Variants in RPS24 observed in about 807,000 individuals in gnomAD.
RPS24 encodes ribosomal protein S24, also known as small ribosomal subunit protein eS24.
For missense variants in RPS24, 100 were observed against 162.5 expected, an observed-to-expected ratio of 0.62 and a Z score of 2.09; for synonymous variants, 72 against 55.6, an observed-to-expected ratio of 1.30 and a Z score of -1.31.
intron 4 of RPS24, chr10:78,039,713 C>T (rs1432021782): frequency 5.9e-6 from 1 of 169,926 alleles, no homozygotes; most frequent in African/African-American, 2.4e-5. Context: ...ACTTTTGTGG[C>T]TGTGAATGGT....
rs1848106278 is a variant in RPS24, at chr10:78,052,320, C to T, written c.391-2211C>T. Among the ~76,000 whole-genome samples, 5 of 152,288 alleles carry T rather than the reference C, an allele frequency of 3.3e-5. No homozygotes were observed. In the South Asian group the frequency reaches 1.0e-3, roughly 32 times the overall value. ...GGATTACAGGTGACCGCCACCACCC[C>T]CGGCTTAGTTCTTGGTTTTTCTGTC... On this transcript the variant is annotated intron_variant, in intron 4 of 4. Transcript: ENST00000440692.
chr10:78,039,636 A>G (rs1479715078), intron 4 of RPS24: 1 of 159,198 alleles, frequency 6.3e-6, no homozygotes, highest in Non-Finnish European at 1.4e-5. Context: ...GTAGTCTCAT[A>G]TCTGAGGAGC....
At chr10:78,045,989 G>A (rs527460551) in intron 4 of RPS24, among the ~76,000 whole-genome samples, 166 of 152,110 alleles carry the variant, frequency 1.1e-3, no homozygotes, top group African/African-American at 3.7e-3. Context: ...GTGACAGAGC[G>A]AGGCTCTGTC....
chr10:78,054,552 G>A (rs753338887), exon 5 of RPS24: 1 of 1,545,072 alleles, frequency 6.5e-7, no homozygotes, highest in African/African-American at 1.4e-5. Context: ...GGGGCTTGGA[G>A]TGCAAGCATT....
chr10:78,035,871 G>A (rs567843134), intron 3 of RPS24, 151 bp downstream of exon 3: 59 of 724,754 alleles, frequency 8.1e-5, no homozygotes, highest in Non-Finnish European at 1.4e-4. Flanking sequence ...AAATGCACAG[G>A]TGGAGTACGG....
At chr10:78,044,479 A>G (rs74416318), downstream of RPS24, among the ~76,000 whole-genome samples, 3,477 of 152,234 alleles carry the variant, frequency 0.023, 134 homozygotes, top group African/African-American at 0.078. Flanking sequence ...GAGATACTCC[A>G]TTTCAAAAAT....
At chr10:78,045,460 C>T (rs116939582), downstream of RPS24, among the ~76,000 whole-genome samples, 198 of 152,112 alleles carry the variant, frequency 1.3e-3, 6 homozygotes, top group East Asian at 0.037. Flanking sequence ...TGAGTAATTC[C>T]GAAACCTGGC....
chr10:78,042,328 GTT>G (rs1847995197), downstream of RPS24, among the ~76,000 whole-genome samples: 1 of 152,130 alleles, frequency 6.6e-6, no homozygotes, highest in Non-Finnish European at 1.5e-5. Flanking sequence ...CCATCCAAGT[GTT>G]TTTTGGGGAA....
Position 78,040,413 on chromosome 10 carries a change from CATT to C in RPS24, c.*19+192_*19+194del, listed in dbSNP as rs1465502413. 14 of 714,834 alleles carry C rather than the reference CATT, an allele frequency of 2.0e-5. 1 individual carries two copies. In the Middle Eastern group the frequency reaches 1.0e-3, roughly 52 times the overall value. The allele number at this position is 714,834 out of a possible 1,614,324, so 44.3% of individuals were successfully genotyped here. On this transcript the variant is annotated intron_variant, in intron 5 of 5. Transcript: ENST00000372360. ...TTTTAAGGTTTAGCAATATTTAGCC[CATT>C]ATTTTTGTTTTATTCTTAACTTGAA...
At position 78,048,704 on chromosome 10, in the gene RPS24, G is replaced by A. The variant is rs773521747; in HGVS notation, c.391-5827G>A. On this transcript the variant is annotated intron_variant, in intron 4 of 4. Coordinates refer to the RPS24 transcript ENST00000440692. Reference sequence around the variant, plus strand: ...AGCTTGGTCAATATGGTGAAACCCCGTCTCTACTAAAAACACAAAAATTAG... The same window carrying A: ...AGCTTGGTCAATATGGTGAAACCCCATCTCTACTAAAAACACAAAAATTAG... Among the ~76,000 whole-genome samples, 53 of 151,946 alleles carry A rather than the reference G, an allele frequency of 3.5e-4. 1 individual carries two copies. Among genetic ancestry groups the A allele is most frequent in the Non-Finnish European group, 6.8e-4 (46 of 67,970 alleles).
Position 78,036,042 on chromosome 10 carries a change from G to A in RPS24, c.279+322G>A, listed in dbSNP as rs183517752. Reference sequence around the variant, plus strand: ...ACCAAATTCACTTAGTTTGGATTAAGTCTGCATCTGGGCTTAAACCCATAG... The same window carrying A: ...ACCAAATTCACTTAGTTTGGATTAAATCTGCATCTGGGCTTAAACCCATAG... On this transcript the variant is annotated intron_variant, in intron 3 of 5. Coordinates refer to ENST00000372360, the MANE Select transcript of RPS24 (RefSeq NM_033022.4). 504 of 380,380 alleles carry A rather than the reference G, an allele frequency of 1.3e-3. 6 individuals carry two copies. The Middle Eastern group carries it at 0.015, about 11-fold the overall frequency. The allele number at this position is 380,380 out of a possible 1,614,324, so 23.6% of individuals were successfully genotyped here. A position where few individuals can be genotyped will look rare whatever the true frequency, so the allele number is the denominator to read the frequency against.
chr10:78,044,853 AGT>A (rs1362563966), downstream of RPS24, among the ~76,000 whole-genome samples: 1 of 151,502 alleles, frequency 6.6e-6, no homozygotes, highest in Admixed American at 6.6e-5. Flanking sequence ...GATGTTCTGC[AGT>A]GGATTGTGTG....
intron 4 of RPS24, among the ~76,000 whole-genome samples, chr10:78,052,683 T>C (rs528645529): frequency 1.4e-4 from 21 of 152,272 alleles, no homozygotes; most frequent in African/African-American, 5.1e-4. Flanking sequence ...AAGAGCATCC[T>C]GATGGGGGCT....
At chr10:78,034,781 G>A (rs1317184539) in intron 1 of RPS24, among the ~76,000 whole-genome samples, 3 of 152,246 alleles carry the variant, frequency 2.0e-5, no homozygotes, top group Admixed American at 6.5e-5. Context: ...TGTAGGTAGT[G>A]AGTACAAGGT....
exon 5 of RPS24, chr10:78,056,608 T>C (rs1848151171): frequency 6.6e-6 from 1 of 152,080 alleles, no homozygotes; most frequent in Non-Finnish European, 1.5e-5. Flanking sequence ...GAGGTCATAA[T>C]GTGCAGATCT....
chr10:78,039,676 G>A (rs1847949880), intron 4 of RPS24: 1 of 160,448 alleles, frequency 6.2e-6, no homozygotes, highest in East Asian at 1.8e-4. Flanking sequence ...CTAAATTAAT[G>A]CCTCTTTTTA....
exon 5 of RPS24, chr10:78,054,741 A>C (rs1848133878): frequency 1.3e-6 from 2 of 1,551,538 alleles, no homozygotes; most frequent in Non-Finnish European, 1.7e-6. Flanking sequence ...GAAGACTGAA[A>C]ACAGAGAACA....
rs1374724686 is a variant in RPS24, at chr10:78,051,199, A to G, written c.391-3332A>G. Among the ~76,000 whole-genome samples the G allele has an allele frequency of 4.6e-5, 7 of 152,332 alleles. No individual in the cohort carries two copies. In the East Asian group the frequency reaches 1.4e-3, roughly 29 times the overall value. On this transcript the variant is annotated intron_variant, in intron 4 of 4. Coordinates refer to the RPS24 transcript ENST00000440692. ...AGTGGGTGAGACTCTGTCTCAAACA[A>G]CAACAAAAAGAAACCCTGTAGACAT...
chr10:78,037,781 T>C (rs746835465), intron 4 of RPS24: 16 of 385,556 alleles, frequency 4.1e-5, no homozygotes, highest in Non-Finnish European at 7.3e-5. Context: ...AGACAAGTGA[T>C]TTTAGCGATA....
Sources: gnomAD v4.1 joint callset for allele counts (sites outside exome capture counted in the v4.1 genomes callset) on GRCh38, gnomAD v4.1.1 for gene constraint, MANE v1.5 for transcripts, NCBI Gene and HGNC (gene_info 2026-07-23, HGNC 2026-07-21) for gene names.